Variants in OTUD7B observed in about 807,000 individuals in gnomAD.
OTUD7B encodes OTU domain-containing protein 7B.
Under a neutral mutation model 82.2 loss-of-function variants are expected in OTUD7B, and 34 were observed. That is an observed-to-expected ratio of 0.41 (90% confidence interval 0.31 to 0.55). The LOEUF (loss-of-function observed/expected upper bound fraction) is 0.55, where lower values mean the gene tolerates loss of function less well. OTUD7B is among the 20% of genes least tolerant of loss of function. The probability of loss-of-function intolerance (pLI) is 0.20; values close to 1 mark genes in which losing one functional copy is unlikely to be tolerated. For synonymous variants in OTUD7B, 398 were observed against 402.7 expected, an observed-to-expected ratio of 0.99 and a Z score of 0.14; for missense variants, 944 against 1,062.1, an observed-to-expected ratio of 0.89 and a Z score of 1.55.
At chr1:149,945,867 C>T (rs782515923) in intron 11 of OTUD7B, among the ~76,000 whole-genome samples, 9 of 151,138 alleles carry the variant, frequency 6.0e-5, no homozygotes, top group Non-Finnish European at 1.0e-4. Flanking sequence ...TCCAGACCAG[C>T]CTGACCAACA....
At chr1:150,004,388 T>A (rs970614467) in intron 1 of OTUD7B, among the ~76,000 whole-genome samples, 8 of 151,788 alleles carry the variant, frequency 5.3e-5, no homozygotes, top group African/African-American at 1.9e-4. Flanking sequence ...GGTGAAATCC[T>A]GTCTCTACTA....
intron 6 of OTUD7B, among the ~76,000 whole-genome samples, chr1:149,960,379 CT>C (rs1320198117): frequency 1 from 124,377 of 124,456 alleles, 62,149 homozygotes; most frequent in Middle Eastern, 1. Context: ...TTTTCTTTTT[CT>C]TTTCTTTCCT....
chr1:149,953,804 G>C (rs1553774021), intron 7 of OTUD7B, among the ~76,000 whole-genome samples: 1 of 152,160 alleles, frequency 6.6e-6, no homozygotes, highest in East Asian at 1.9e-4. Flanking sequence ...TATTCTCTTT[G>C]AAGCAATTGT....
chr1:150,013,151 A>G (rs1454398424), upstream of OTUD7B, among the ~76,000 whole-genome samples: 2 of 152,138 alleles, frequency 1.3e-5, no homozygotes, highest in African/African-American at 2.4e-5. Flanking sequence ...ACCAGACAAA[A>G]TCCTACCGGT....
the OTUD7B span, among the ~76,000 whole-genome samples, chr1:150,061,260 T>A: frequency 6.6e-6 from 1 of 152,212 alleles, no homozygotes; most frequent in East Asian, 1.9e-4. Context: ...ATTTTTTGCA[T>A]GTTTTCAAAT....
At chr1:150,048,817 A>G in the OTUD7B span, among the ~76,000 whole-genome samples, 1 of 151,660 alleles carries the variant, frequency 6.6e-6, no homozygotes, top group African/African-American at 2.4e-5. Context: ...TTCCTAGTCT[A>G]TTTTCTTATT....
At chr1:150,035,025 T>TC in the OTUD7B span, among the ~76,000 whole-genome samples, 1 of 151,686 alleles carries the variant, frequency 6.6e-6, no homozygotes. Context: ...GCACCTGTAA[T>TC]CCCAGCTACT....
the OTUD7B span, among the ~76,000 whole-genome samples, chr1:150,025,922 C>T: frequency 6.6e-6 from 1 of 152,208 alleles, no homozygotes; most frequent in Non-Finnish European, 1.5e-5. Context: ...AGACACAGAG[C>T]TCTGATAGTC....
intron 4 of OTUD7B, 138 bp from the exon 5 acceptor site, chr1:149,966,016 T>A: frequency 1.6e-6 from 1 of 624,648 alleles, no homozygotes; most frequent in Non-Finnish European, 2.9e-6. Context: ...ACTCTTTATA[T>A]CTTCCTCACT....
intron 1 of OTUD7B, among the ~76,000 whole-genome samples, chr1:149,998,200 T>C (rs587730889): frequency 6.6e-6 from 1 of 152,308 alleles, no homozygotes; most frequent in East Asian, 1.9e-4. Flanking sequence ...TGCATTACCA[T>C]TACCCTTGTA....
intron 10 of OTUD7B, 23 bp from the exon 11 acceptor site, chr1:149,947,358 A>G (rs782539793): frequency 1.4e-6 from 2 of 1,407,442 alleles, no homozygotes; most frequent in Non-Finnish European, 2.0e-6. Context: ...GAAAAAACAA[A>G]TTACTGTCAC....
At chr1:150,022,259 G>A in the OTUD7B span, among the ~76,000 whole-genome samples, 45 of 152,076 alleles carry the variant, frequency 3.0e-4, no homozygotes, top group Admixed American at 1.5e-3. Flanking sequence ...TTAGCCAGGC[G>A]TGTTGGCGCA....
intron 6 of OTUD7B, chr1:149,961,646 T>A (rs781885538): frequency 6.6e-6 from 1 of 152,196 alleles, no homozygotes; most frequent in African/African-American, 2.4e-5. Context: ...AGCCACCGCA[T>A]CCGGCCAGCA....
At chr1:150,003,570 C>T (rs1012280144) in intron 1 of OTUD7B, among the ~76,000 whole-genome samples, 5 of 152,192 alleles carry the variant, frequency 3.3e-5, no homozygotes, top group Non-Finnish European at 7.3e-5. Flanking sequence ...ACTTCTATCA[C>T]AGCATCTATC....
chr1:149,951,973 A>C (rs989192301), intron 7 of OTUD7B, among the ~76,000 whole-genome samples: 8 of 151,944 alleles, frequency 5.3e-5, no homozygotes, highest in Admixed American at 5.2e-4. Context: ...AACAGATTCT[A>C]GCCTGCACTT....
At chr1:150,002,818 C>G (rs1324041123) in intron 1 of OTUD7B, among the ~76,000 whole-genome samples, 1 of 152,158 alleles carries the variant, frequency 6.6e-6, no homozygotes, top group Non-Finnish European at 1.5e-5. Flanking sequence ...TATGATCACT[C>G]TCAATAAATG....
At chr1:150,014,649 G>A (rs1189749272), upstream of OTUD7B, among the ~76,000 whole-genome samples, 1 of 151,972 alleles carries the variant, frequency 6.6e-6, no homozygotes, top group African/African-American at 2.4e-5. Context: ...AAAAACAAAT[G>A]ATCATTAAAC....
chr1:150,041,970 C>T, the OTUD7B span, among the ~76,000 whole-genome samples: 1 of 152,028 alleles, frequency 6.6e-6, no homozygotes, highest in African/African-American at 2.4e-5. Flanking sequence ...ATAGGTTTTG[C>T]TTTGTAATGT....
chr1:150,014,001 C>CAT (rs1156272995), upstream of OTUD7B, among the ~76,000 whole-genome samples: 1 of 132,406 alleles, frequency 7.6e-6, no homozygotes, highest in Admixed American at 7.5e-5. Flanking sequence ...TATATACACA[C>CAT]ATATATATAC....
Sources: allele counts gnomAD v4.1 joint callset (sites outside exome capture counted in the v4.1 genomes callset), GRCh38; gene constraint gnomAD v4.1.1; transcripts MANE v1.5; gene names NCBI Gene and HGNC (gene_info 2026-07-23, HGNC 2026-07-21).